Variants in AKAP13 observed in about 807,000 individuals in gnomAD.
The protein encoded by AKAP13 is A-kinase anchoring protein 13, also known as A-kinase anchor protein 13.
In AKAP13, 80 loss-of-function variants were observed where a neutral mutation model predicts 264.5. The observed-to-expected ratio is 0.30, with a 90% CI of 0.25 to 0.36. The LOEUF is 0.36. Among genes scored for constraint, AKAP13 ranks in the 10% least tolerant of loss-of-function variants. The pLI is 1.00. For synonymous variants in AKAP13, 1,380 were observed against 1,250.2 expected (o/e 1.10, Z -2.19); for missense variants, 3,712 against 3,435.2 (o/e 1.08, Z -2.01).
At chr15:85,389,478 CT>C (rs1194233119) in intron 1 of AKAP13, among the ~76,000 whole-genome samples, 1 of 152,204 alleles carries the variant, frequency 6.6e-6, no homozygotes, top group Non-Finnish European at 1.5e-5. Context: ...ATTTTGTCCA[CT>C]TTTCTAGTAG....
intron 2 of AKAP13, among the ~76,000 whole-genome samples, chr15:85,499,173 C>T (rs1012490795): frequency 6.6e-6 from 1 of 152,094 alleles, no homozygotes; most frequent in East Asian, 1.9e-4. Context: ...ATTATCACTG[C>T]GTTATTGACT....
chr15:85,633,541 T>TC (rs1567166455), intron 8 of AKAP13, among the ~76,000 whole-genome samples: 2 of 129,062 alleles, frequency 1.5e-5, no homozygotes, highest in Admixed American at 7.4e-5. Flanking sequence ...TTTTCTTTTT[T>TC]TTTTTTTTTT....
chr15:85,610,647 G>A (rs948440138), intron 8 of AKAP13, among the ~76,000 whole-genome samples: 6 of 152,192 alleles, frequency 3.9e-5, no homozygotes, highest in African/African-American at 1.4e-4. Flanking sequence ...GGAAAAAAAT[G>A]TCTTAAGAGA....
intron 4 of AKAP13, among the ~76,000 whole-genome samples, chr15:85,539,653 C>A (rs995307239): frequency 6.6e-6 from 1 of 152,158 alleles, no homozygotes; most frequent in Non-Finnish European, 1.5e-5. Flanking sequence ...GGCACATCAA[C>A]TTTTTTGCAG....
Position 85,421,232 on chromosome 15 carries a change from G to A in AKAP13, c.-12+40434G>A, listed in dbSNP as rs181754668. 3.9e-5 allele frequency among the ~76,000 whole-genome samples: 6 copies of A among 152,306 alleles called. No individual in the cohort carries two copies. In the Middle Eastern group the frequency reaches 0.017, roughly 432 times the overall value. On this transcript the variant is annotated intron_variant, in intron 1 of 36. Transcript: ENST00000394518. ...GGGAGAATGTTGCTTTAGAGTTCTT[G>A]TGGTGCACTAGTCATTCTTAAAGGG...
At chr15:85,552,628 C>CCT (rs2077996905) in intron 5 of AKAP13, among the ~76,000 whole-genome samples, 1 of 125,068 alleles carries the variant, frequency 8.0e-6, no homozygotes, top group Admixed American at 8.9e-5. Flanking sequence ...TTTTTTTGGC[C>CCT]TTTTTTTTTT....
intron 8 of AKAP13, chr15:85,620,088 CA>C (rs2081110973): frequency 6.5e-7 from 1 of 1,536,030 alleles, no homozygotes; most frequent in African/African-American, 1.4e-5. Flanking sequence ...TGCATTTGGG[CA>C]AAATGTATGA....
intron 6 of AKAP13, among the ~76,000 whole-genome samples, chr15:85,577,111 A>T (rs893439285): frequency 1.3e-5 from 2 of 152,236 alleles, no homozygotes; most frequent in Non-Finnish European, 2.9e-5. Context: ...TTTTAGTGAA[A>T]GTCCATTTTG....
chr15:85,392,680 A>G (rs1279645761), intron 1 of AKAP13, among the ~76,000 whole-genome samples: 3 of 152,040 alleles, frequency 2.0e-5, no homozygotes, highest in African/African-American at 4.8e-5. Flanking sequence ...TGCTGTGACT[A>G]TAGGCACACG....
At chr15:85,499,860 GT>G (rs1448368223) in intron 2 of AKAP13, among the ~76,000 whole-genome samples, 5 of 151,884 alleles carry the variant, frequency 3.3e-5, no homozygotes, top group Admixed American at 3.3e-4. Flanking sequence ...TGCCTTTTCC[GT>G]TTATTATGTT....
chr15:85,423,646 C>A (rs1156249904), intron 1 of AKAP13, among the ~76,000 whole-genome samples: 1 of 152,222 alleles, frequency 6.6e-6, no homozygotes, highest in African/African-American at 2.4e-5. Context: ...TTCCAAAACT[C>A]CTGTTAATGT....
chr15:85,621,490 T>C (rs1370141753), intron 8 of AKAP13: 1 of 152,252 alleles, frequency 6.6e-6, no homozygotes, highest in Non-Finnish European at 1.5e-5. Flanking sequence ...TTAGGATCTT[T>C]ATGTCCATGA....
intron 12 of AKAP13, among the ~76,000 whole-genome samples, chr15:85,663,512 A>G (rs1173724141): frequency 6.6e-6 from 1 of 152,176 alleles, no homozygotes; most frequent in Non-Finnish European, 1.5e-5. Flanking sequence ...AAAAGCAAAT[A>G]CAAGTCCTGG....
intron 8 of AKAP13, among the ~76,000 whole-genome samples, chr15:85,631,167 C>G (rs1374073125): frequency 6.6e-6 from 1 of 152,054 alleles, no homozygotes; most frequent in Non-Finnish European, 1.5e-5. Context: ...GTGAAAGAAC[C>G]CAGCATGAAA....
intron 3 of AKAP13, among the ~76,000 whole-genome samples, chr15:85,524,332 CACTT>C (rs2076941445): frequency 6.6e-6 from 1 of 151,934 alleles, no homozygotes; most frequent in African/African-American, 2.4e-5. Context: ...CGTACCACCA[CACTT>C]GGCTAAATTT....
At chr15:85,391,686 G>C (rs2070864591) in intron 1 of AKAP13, among the ~76,000 whole-genome samples, 1 of 151,924 alleles carries the variant, frequency 6.6e-6, no homozygotes. Flanking sequence ...TGTTTTGCCA[G>C]GTTGTCCAGG....
intron 8 of AKAP13, among the ~76,000 whole-genome samples, chr15:85,603,382 A>T (rs757794494): frequency 1.3e-5 from 2 of 152,278 alleles, no homozygotes; most frequent in Non-Finnish European, 2.9e-5. Context: ...CCATCAGTGC[A>T]GATGTCAACA....
At chr15:85,454,489 G>A (rs557452176) in intron 1 of AKAP13, among the ~76,000 whole-genome samples, 6 of 152,134 alleles carry the variant, frequency 3.9e-5, no homozygotes, top group Middle Eastern at 6.8e-3. Flanking sequence ...GTTCTCTGTG[G>A]GTCAAGTTGT....
chr15:85,440,872 T>C (rs2073615735), intron 1 of AKAP13, among the ~76,000 whole-genome samples: 1 of 152,208 alleles, frequency 6.6e-6, no homozygotes, highest in Admixed American at 6.5e-5. Flanking sequence ...GGTGGAAATT[T>C]TTAAAAAAAT....
Sources: allele counts gnomAD v4.1 joint callset (sites outside exome capture counted in the v4.1 genomes callset), GRCh38; gene constraint gnomAD v4.1.1; transcripts MANE v1.5; gene names NCBI Gene and HGNC (gene_info 2026-07-23, HGNC 2026-07-21).